Variants in PMEPA1 observed in about 807,000 individuals in gnomAD.
PMEPA1 encodes prostate transmembrane protein, androgen induced 1, also known as protein TMEPAI.
A neutral mutation model predicts 23.0 loss-of-function variants in PMEPA1; 11 were observed. The ratio of observed to expected loss-of-function variants is 0.48; its 90% confidence interval spans 0.30 to 0.79. The LOEUF is 0.79. Ranked by LOEUF, PMEPA1 falls within the 30% of genes least tolerant of loss-of-function variation. The pLI, the probability that PMEPA1 is intolerant of heterozygous loss-of-function variation, is 0.06. For synonymous variants in PMEPA1, 204 were observed against 166.4 expected, an observed-to-expected ratio of 1.23 and a Z score of -1.74; for missense variants, 377 against 390.9, an observed-to-expected ratio of 0.96 and a Z score of 0.30.
chr20:57,671,703 C>T lies in PMEPA1; in HGVS notation c.110-12006G>A, dbSNP rs920879206. Among the ~76,000 whole-genome samples, 26 of 152,264 alleles carry T rather than the reference C, an allele frequency of 1.7e-4. No individual in the cohort carries two copies. In the East Asian group the frequency reaches 3.7e-3, roughly 21 times the overall value. ...CATTAAAACTGATGACATAAATCTA[C>T]GCTGAGCTCTGAGCAGGGGAAACTG... On this transcript the variant is annotated intron_variant, in intron 1 of 3. Coordinates refer to ENST00000341744, the MANE Select transcript of PMEPA1 (RefSeq NM_020182.5).
intron 1 of PMEPA1, among the ~76,000 whole-genome samples, chr20:57,693,078 AGGCCGGGAGT>A (rs2071903471): frequency 6.6e-6 from 1 of 152,342 alleles, no homozygotes; most frequent in African/African-American, 2.4e-5. Flanking sequence ...TGTTGTGAGC[AGGCCGGGAGT>A]GGCCGCCTCG....
chr20:57,649,364 C>T lies in PMEPA1; in HGVS notation c.*2689G>A, dbSNP rs1380121206. ...CTGGCTGTCTTGGGATGCGCCCAGCCTTTGAGAGGCCACTACCCCATGAAC... is the reference window on the plus strand; with the variant it reads ...CTGGCTGTCTTGGGATGCGCCCAGCTTTTGAGAGGCCACTACCCCATGAAC... On this transcript the variant is annotated 3_prime_UTR_variant, in exon 4 of 4. Coordinates refer to ENST00000341744, the MANE Select transcript of PMEPA1 (RefSeq NM_020182.5). 6.6e-6 allele frequency: 1 copy of T among 152,190 alleles called. No homozygotes were observed. Among genetic ancestry groups the T allele is most frequent in the East Asian group, 1.9e-4 (1 of 5,176 alleles). The allele number at this position is 152,190 out of a possible 1,614,324, so 9.4% of individuals were successfully genotyped here.
upstream of PMEPA1, chr20:57,710,614 T>C (rs2072167028): frequency 2.8e-6 from 2 of 719,100 alleles, no homozygotes; most frequent in Non-Finnish European, 4.5e-6. Context: ...GCCCTTGTCA[T>C]GTAAATAGCT....
In PMEPA1 at chr20:57,651,994, A is replaced by C; in HGVS notation, c.*59T>G. The C allele has an allele frequency of 1.4e-6, 2 of 1,388,334 alleles. No homozygotes were observed. Among genetic ancestry groups the C allele is most frequent in the Non-Finnish European group, 1.9e-6 (2 of 1,047,604 alleles). 86.0% of individuals were successfully genotyped at this position (1,388,334 alleles called of 1,614,324 possible). On this transcript the variant is annotated 3_prime_UTR_variant, in exon 4 of 4. Coordinates refer to ENST00000341744, the MANE Select transcript of PMEPA1 (RefSeq NM_020182.5). ...GCCTTCCTCTCACTCCTCTTCTAAG[A>C]AGCGCGGAGTGTTCTGCCTTTTCAC...
intron 1 of PMEPA1, among the ~76,000 whole-genome samples, chr20:57,663,986 G>T (rs1229295348): frequency 2.0e-5 from 3 of 152,246 alleles, no homozygotes; most frequent in Non-Finnish European, 4.4e-5. Context: ...GGCATGGGGT[G>T]AGGAGGCACC....
chr20:57,659,805 A>C (rs892753606), intron 1 of PMEPA1, 108 bp from the exon 2 acceptor site: 5 of 1,029,782 alleles, frequency 4.9e-6, no homozygotes, highest in South Asian at 1.6e-5. Context: ...CGAGAGTGCA[A>C]CCCAGACTCA....
Position 57,659,616 on chromosome 20 carries a change from T to C in PMEPA1, c.191A>G (p.His64Arg). ...MVVVITCLLS[H>R]YKLSARSFIS... Reference sequence around the variant, plus strand: ...GAAGGACCGTGCAGACAGCTTGTAGTGGCTCAGCAGGCACGTGATCACCAC... The same window carrying C: ...GAAGGACCGTGCAGACAGCTTGTAGCGGCTCAGCAGGCACGTGATCACCAC... The change falls in exon 2 of 4, where the codon CAC (histidine) becomes CGC (arginine). Residue 64 changes from histidine (H) to arginine (R), a missense_variant. Physicochemically the swap from His to Arg is conservative, Grantham distance 29 (BLOSUM62 0). Coordinates refer to ENST00000341744, the MANE Select transcript of PMEPA1 (RefSeq NM_020182.5). The C allele has an allele frequency of 1.9e-6, 3 of 1,613,370 alleles. No homozygotes were observed. The highest frequency in any genetic ancestry group is 2.5e-6 in the Non-Finnish European group (3 of 1,179,756).
intron 1 of PMEPA1, among the ~76,000 whole-genome samples, chr20:57,666,090 G>A (rs1310236645): frequency 1.3e-5 from 2 of 152,084 alleles, no homozygotes; most frequent in Admixed American, 6.5e-5. Context: ...GGCTCTCGGG[G>A]GTGACCAAGC....
chr20:57,692,497 C>A (rs779274638), intron 1 of PMEPA1, among the ~76,000 whole-genome samples: 2 of 151,794 alleles, frequency 1.3e-5, no homozygotes, highest in Non-Finnish European at 2.9e-5. Context: ...CCCGGTCCCC[C>A]TGAAGCCCCT....
chr20:57,657,420 C>T (rs1238664277), intron 2 of PMEPA1, among the ~76,000 whole-genome samples: 1 of 152,254 alleles, frequency 6.6e-6, no homozygotes, highest in Non-Finnish European at 1.5e-5. Context: ...TGTTCCACCT[C>T]TCTCATCCCC....
intron 1 of PMEPA1, among the ~76,000 whole-genome samples, chr20:57,698,043 A>C (rs2146706503): frequency 6.6e-6 from 1 of 152,316 alleles, no homozygotes; most frequent in East Asian, 1.9e-4. Context: ...TTTTTTAAAG[A>C]GGCAACATTC....
At chr20:57,653,197 C>G in intron 2 of PMEPA1, 111 bp from the exon 3 acceptor site, 1 of 873,722 alleles carries the variant, frequency 1.1e-6, no homozygotes, top group Non-Finnish European at 1.9e-6. Context: ...GCTCTTGAAC[C>G]CGCCCACCTC....
chr20:57,700,071 T>G (rs550418605), intron 1 of PMEPA1: 8 of 471,260 alleles, frequency 1.7e-5, no homozygotes, highest in African/African-American at 1.4e-4. Context: ...GATTTGTCAC[T>G]TTCATGCTCC....
chr20:57,697,491 A>G (rs1257347888), intron 1 of PMEPA1, among the ~76,000 whole-genome samples: 1 of 152,266 alleles, frequency 6.6e-6, no homozygotes, highest in African/African-American at 2.4e-5. Context: ...CTACAGGGTT[A>G]CTGGCAAATT....
At chr20:57,685,480 G>A (rs1297170117) in intron 1 of PMEPA1, among the ~76,000 whole-genome samples, 3 of 152,200 alleles carry the variant, frequency 2.0e-5, no homozygotes, top group South Asian at 2.1e-4. Flanking sequence ...ACAGAGACGC[G>A]CTGACAAAGT....
At chr20:57,710,346 G>T, upstream of PMEPA1, 1 of 1,123,974 alleles carries the variant, frequency 8.9e-7, no homozygotes. Context: ...CCCGTCCCTG[G>T]GGTCCTTGAC....
intron 1 of PMEPA1, among the ~76,000 whole-genome samples, chr20:57,671,600 G>A (rs558370266): frequency 1.3e-5 from 2 of 152,268 alleles, no homozygotes; most frequent in Admixed American, 1.3e-4. Context: ...ATTGCATGGG[G>A]TGTTTTTCAA....
At chr20:57,690,675 A>G in intron 1 of PMEPA1, 1 of 832,122 alleles carries the variant, frequency 1.2e-6, no homozygotes, top group Non-Finnish European at 1.6e-6. Context: ...TGTCCTGGGA[A>G]ACACTCGGTG....
intron 1 of PMEPA1, among the ~76,000 whole-genome samples, chr20:57,674,760 C>G (rs1411551905): frequency 6.6e-6 from 1 of 152,236 alleles, no homozygotes; most frequent in Non-Finnish European, 1.5e-5. Flanking sequence ...ATTTATCGTG[C>G]CCCTGCTGTA....
Sources: allele counts gnomAD v4.1 joint callset (sites outside exome capture counted in the v4.1 genomes callset), GRCh38; gene constraint gnomAD v4.1.1; transcripts MANE v1.5; gene names NCBI Gene and HGNC (gene_info 2026-07-23, HGNC 2026-07-21).